The following ZNF354C variants were observed in gnomAD, a reference collection of about 807,000 sequenced individuals.
ZNF354C encodes the protein KRAB-zinc finger protein synten.
In ZNF354C, 7 loss-of-function variants were observed where a neutral mutation model predicts 12.4. That is an observed-to-expected ratio of 0.56 (90% CI 0.32 to 1.06). ZNF354C has a LOEUF of 1.06. Among genes scored for constraint, ZNF354C ranks in the 50% least tolerant of loss-of-function variants. The probability of loss-of-function intolerance (pLI) is 0.04; values close to 1 mark genes in which losing one functional copy is unlikely to be tolerated. For missense variants in ZNF354C, 609 were observed against 658.0 expected (o/e 0.93, Z 0.81); for synonymous variants, 202 against 224.5 (o/e 0.90, Z 0.90).
chr5:179,064,955 G>A (rs918305980), intron 2 of ZNF354C, among the ~76,000 whole-genome samples: 2 of 152,076 alleles, frequency 1.3e-5, no homozygotes, highest in African/African-American at 2.4e-5. Context: ...ATTGTCTGGG[G>A]AAAAGGCACA....
At chr5:179,061,551 C>T (rs947743143) in intron 1 of ZNF354C, among the ~76,000 whole-genome samples, 11 of 152,040 alleles carry the variant, frequency 7.2e-5, no homozygotes, top group Non-Finnish European at 1.5e-4. Flanking sequence ...CAGCACTCCA[C>T]GGAAGGACCA....
Position 179,061,636 on chromosome 5 carries a change from G to A in ZNF354C, c.-54-379G>A, listed in dbSNP as rs73806852. On this transcript the variant is annotated intron_variant, in intron 1 of 4. Transcript: ENST00000315475. ...CTCTTTATCGTGGCTACCATAGGGAGGAAAGGGTGAGGCAGGGCAGGCAGG... is the reference window on the plus strand; with the variant it reads ...CTCTTTATCGTGGCTACCATAGGGAAGAAAGGGTGAGGCAGGGCAGGCAGG... Among the ~76,000 whole-genome samples the A allele has an allele frequency of 8.8e-3, 1,340 of 152,180 alleles. 22 individuals carry two copies. The highest frequency in any genetic ancestry group is 0.031 in the African/African-American group (1,275 of 41,506).
intron 2 of ZNF354C, among the ~76,000 whole-genome samples, chr5:179,073,152 G>C (rs1762072365): frequency 6.6e-6 from 1 of 151,802 alleles, no homozygotes; most frequent in Non-Finnish European, 1.5e-5. Flanking sequence ...GAAAGAGAGA[G>C]ACAAAAAAAA....
In ZNF354C at chr5:179,079,980, A is replaced by C. The variant is rs747104325; in HGVS notation, c.1548A>C (p.Lys516Asn). The change falls in exon 5 of 5, where the codon AAA becomes AAC. Residue 516 changes from lysine (K) to asparagine (N), a missense_variant. Lys to Asn is a moderately conservative substitution (Grantham distance 94, BLOSUM62 0). Transcript: ENST00000315475. The surrounding 1 kb of genome is among the most constrained non-coding windows in gnomAD (Gnocchi z 4.2). ...SYRSNLCRHK[K>N]VHTKEKLYKW... ...GATCAAACCTTTGTAGACACAAAAA[A>C]GTTCACACGAAAGAGAAACTCTATA... The C allele has an allele frequency of 3.1e-6, 5 of 1,614,102 alleles. No homozygotes were observed. The Admixed American group carries it at 6.7e-5, about 22-fold the overall frequency.
intron 2 of ZNF354C, among the ~76,000 whole-genome samples, chr5:179,068,646 A>G (rs939038267): frequency 6.7e-6 from 1 of 149,986 alleles, no homozygotes; most frequent in African/African-American, 2.4e-5. Context: ...TTTTCCTGGA[A>G]GTATTCTAAG....
chr5:179,076,592 C>A (rs147567522), intron 3 of ZNF354C, 21 bp downstream of exon 3: 3 of 1,613,136 alleles, frequency 1.9e-6, no homozygotes, highest in Non-Finnish European at 2.5e-6. Context: ...TTGCCTATGA[C>A]GAAGAATCTG....
intron 2 of ZNF354C, among the ~76,000 whole-genome samples, chr5:179,075,681 A>C (rs1028794961): frequency 6.6e-6 from 1 of 152,174 alleles, no homozygotes; most frequent in Non-Finnish European, 1.5e-5. Flanking sequence ...AGAGTTTTTC[A>C]ACAAATATAG....
Position 179,079,638 on chromosome 5 carries a change from T to A in ZNF354C, c.1206T>A (p.His402Gln), listed in dbSNP as rs1182235029. Residue 402 changes from histidine (H) to glutamine (Q), a missense_variant, in exon 5 of 5, where the codon CAT (histidine) becomes CAA (glutamine). Coordinates refer to ENST00000315475, the MANE Select transcript of ZNF354C (RefSeq NM_014594.3). The surrounding 1 kb of genome is among the most constrained non-coding windows in gnomAD (Gnocchi z 4.2). ...TFTRIVTLIE[H>Q]QRIHTGQKPY... ...CACGTATTGTAACCCTTATCGAACA[T>A]CAGCGAATTCACACTGGACAAAAAC... 6.2e-7 allele frequency: 1 copy of A among 1,614,160 alleles called. No homozygotes were observed. Among genetic ancestry groups the A allele is most frequent in the Admixed American group, 1.7e-5 (1 of 60,024 alleles).
At chr5:179,077,199 G>A (rs775652870) in intron 4 of ZNF354C, 33 bp downstream of exon 4, 1 of 1,557,992 alleles carries the variant, frequency 6.4e-7, no homozygotes, top group Non-Finnish European at 8.9e-7. Context: ...GGCACAAGGG[G>A]TTCTTTATAG....
intron 2 of ZNF354C, among the ~76,000 whole-genome samples, chr5:179,068,681 A>T (rs1450933515): frequency 1.3e-5 from 2 of 151,462 alleles, no homozygotes; most frequent in African/African-American, 4.9e-5. Flanking sequence ...GATTGGTGGT[A>T]AAGACGGAAG....
At chr5:179,070,293 T>C (rs1319474921) in intron 2 of ZNF354C, among the ~76,000 whole-genome samples, 1 of 152,164 alleles carries the variant, frequency 6.6e-6, no homozygotes, top group Non-Finnish European at 1.5e-5. Context: ...GTGGAAGAAC[T>C]GTCTTCCACG....
chr5:179,072,044 G>A (rs946151834), intron 2 of ZNF354C, among the ~76,000 whole-genome samples: 1 of 152,116 alleles, frequency 6.6e-6, no homozygotes, highest in Non-Finnish European at 1.5e-5. Context: ...GTAGGCATAT[G>A]AAGAAATGGG....
intron 2 of ZNF354C, among the ~76,000 whole-genome samples, chr5:179,062,669 G>A (rs987916307): frequency 2.6e-5 from 4 of 152,170 alleles, no homozygotes; most frequent in Admixed American, 6.5e-5. Context: ...GAAGACTAAG[G>A]GCATCCCAGA....
At chr5:179,070,841 CTTTTTTTTTT>C (rs766817856) in intron 2 of ZNF354C, among the ~76,000 whole-genome samples, 3 of 75,438 alleles carry the variant, frequency 4.0e-5, no homozygotes, top group African/African-American at 1.1e-4. Context: ...CTTGATCGCT[CTTTTTTTTTT>C]TTTTTTTTTT....
At chr5:179,070,132 G>A (rs1015652615) in intron 2 of ZNF354C, among the ~76,000 whole-genome samples, 1 of 152,128 alleles carries the variant, frequency 6.6e-6, no homozygotes, top group African/African-American at 2.4e-5. Context: ...CTGTCAGATC[G>A]GCAGCGGCAT....
intron 2 of ZNF354C, among the ~76,000 whole-genome samples, chr5:179,071,741 A>C (rs576159498): frequency 1.3e-5 from 2 of 152,292 alleles, no homozygotes; most frequent in East Asian, 1.9e-4. Flanking sequence ...GGAAAGTGAG[A>C]GGAGGAATCT....
At position 179,081,152 on chromosome 5, in the gene ZNF354C, T is replaced by C. The variant is rs1183245998; in HGVS notation, c.*1055T>C. On this transcript the variant is annotated 3_prime_UTR_variant, in exon 5 of 5. Transcript: ENST00000315475. ...GCAGTAATTTAAAGTTACTGTGTTA[T>C]CTTTAAGGGCTTCCTCTCACCTTAA... 1 of 152,182 alleles carries C rather than the reference T, an allele frequency of 6.6e-6. No individual in the cohort carries two copies. Among genetic ancestry groups the C allele is most frequent in the East Asian group, 1.9e-4 (1 of 5,196 alleles). The allele number at this position is 152,182 out of a possible 1,614,324, so 9.4% of individuals were successfully genotyped here.
At chr5:179,069,832 C>G (rs917847267) in intron 2 of ZNF354C, among the ~76,000 whole-genome samples, 11 of 152,182 alleles carry the variant, frequency 7.2e-5, no homozygotes, top group African/African-American at 2.7e-4. Flanking sequence ...CGCCCCTGCA[C>G]TCCAGCCTGG....
In ZNF354C at chr5:179,083,091, C is replaced by T; in HGVS notation, c.*2994C>T. The T allele has an allele frequency of 1.6e-6, 1 of 642,650 alleles. No homozygotes were observed. Among genetic ancestry groups the T allele is most frequent in the Admixed American group, 2.7e-5 (1 of 36,806 alleles). 39.8% of individuals were successfully genotyped at this position (642,650 alleles called of 1,614,324 possible). A position where few individuals can be genotyped will look rare whatever the true frequency, so the allele number is the denominator to read the frequency against. ...AAGCCATAGTTTGTGCATTTTGGCC[C>T]TGGTCTGGACTTTTCAAAAAGCAAA... On this transcript the variant is annotated 3_prime_UTR_variant, in exon 5 of 5. Coordinates refer to ENST00000315475, the MANE Select transcript of ZNF354C (RefSeq NM_014594.3).
Sources: gnomAD v4.1 joint callset for allele counts (sites outside exome capture counted in the v4.1 genomes callset) on GRCh38, gnomAD v4.1.1 for gene constraint, Gnocchi (gnomAD v3.1) non-coding constraint, MANE v1.5 for transcripts, NCBI Gene and HGNC (gene_info 2026-07-23, HGNC 2026-07-21) for gene names.